The following OPCML variants were observed in gnomAD, a reference collection of about 807,000 sequenced individuals.
OPCML encodes opioid-binding protein/cell adhesion molecule.
In OPCML, 13 loss-of-function variants were observed where a neutral mutation model predicts 37.8. That is an observed-to-expected ratio of 0.34 (90% confidence interval 0.22 to 0.55). The LOEUF (loss-of-function observed/expected upper bound fraction) is 0.55. OPCML is among the 20% of genes least tolerant of loss of function. The probability of loss-of-function intolerance (pLI) is 0.91; values close to 1 mark genes in which losing one functional copy is unlikely to be tolerated. For missense variants in OPCML, 341 were observed against 435.6 expected (o/e 0.78, Z 1.93); for synonymous variants, 176 against 168.8 (o/e 1.04, Z -0.33).
intron 1 of OPCML, among the ~76,000 whole-genome samples, chr11:132,996,385 C>T (rs1946885283): frequency 6.6e-6 from 1 of 150,906 alleles, no homozygotes; most frequent in Admixed American, 6.6e-5. Flanking sequence ...TTTGGGGGAC[C>T]GAGATGGGCA....
intron 3 of OPCML, among the ~76,000 whole-genome samples, chr11:132,620,980 T>C (rs748137177): frequency 1.4e-4 from 22 of 152,118 alleles, no homozygotes; most frequent in Non-Finnish European, 3.1e-4. Flanking sequence ...ATGGCAGAGG[T>C]ATCTGAGCAA....
chr11:132,754,826 T>C (rs1945979685), intron 2 of OPCML, among the ~76,000 whole-genome samples: 1 of 152,032 alleles, frequency 6.6e-6, no homozygotes, highest in Non-Finnish European at 1.5e-5. Flanking sequence ...AGCAAAGACA[T>C]TGGAAATGAC....
intron 2 of OPCML, among the ~76,000 whole-genome samples, chr11:132,670,687 T>TA (rs1001452354): frequency 1.9e-4 from 29 of 151,924 alleles, no homozygotes; most frequent in Admixed American, 5.2e-4. Context: ...ATAATATTTG[T>TA]AAAAAAAACA....
intron 1 of OPCML, among the ~76,000 whole-genome samples, chr11:132,944,582 A>G (rs1428682473): frequency 6.6e-5 from 10 of 152,242 alleles, no homozygotes; most frequent in Admixed American, 6.5e-4. Context: ...TTATCGTGGT[A>G]AAAAGCAAGG....
intron 1 of OPCML, among the ~76,000 whole-genome samples, chr11:133,091,072 C>T (rs1040930652): frequency 2.0e-5 from 3 of 152,186 alleles, no homozygotes; most frequent in African/African-American, 7.2e-5. Flanking sequence ...TGACTAACAT[C>T]TCTGTTTCTC....
chr11:132,740,078 G>C (rs977170903), intron 2 of OPCML, among the ~76,000 whole-genome samples: 3 of 152,216 alleles, frequency 2.0e-5, no homozygotes, highest in Non-Finnish European at 4.4e-5. Context: ...TGTGCATATT[G>C]CTTAGAAGAG....
intron 1 of OPCML, among the ~76,000 whole-genome samples, chr11:133,216,461 C>A (rs767661907): frequency 1.6e-4 from 25 of 152,192 alleles, no homozygotes; most frequent in Non-Finnish European, 3.1e-4. Flanking sequence ...TGATTTCTAC[C>A]AACCCAAGAG....
chr11:132,602,689 A>G (rs971706666), intron 3 of OPCML, among the ~76,000 whole-genome samples: 2 of 152,200 alleles, frequency 1.3e-5, no homozygotes, highest in Non-Finnish European at 2.9e-5. Context: ...AGACCTGGGC[A>G]TTGCCTGTGG....
chr11:133,125,980 A>G (rs573569369), intron 1 of OPCML, among the ~76,000 whole-genome samples: 64 of 150,348 alleles, frequency 4.3e-4, no homozygotes, highest in Non-Finnish European at 8.1e-4. Flanking sequence ...ACATGTATAT[A>G]TAGACACACG....
chr11:132,697,260 T>C (rs1019519242), intron 2 of OPCML, among the ~76,000 whole-genome samples: 5 of 152,188 alleles, frequency 3.3e-5, no homozygotes, highest in Admixed American at 3.3e-4. Flanking sequence ...TCACCTCACA[T>C]AATTACCTTC....
chr11:132,586,922 G>T (rs146996961), intron 3 of OPCML, among the ~76,000 whole-genome samples: 2 of 152,274 alleles, frequency 1.3e-5, no homozygotes, highest in Non-Finnish European at 2.9e-5. Flanking sequence ...GAAGCACAAG[G>T]CTTGGGAGCC....
intron 2 of OPCML, among the ~76,000 whole-genome samples, chr11:132,745,563 C>CAAAAAAAA (rs10562857): frequency 1.5e-4 from 15 of 102,904 alleles, no homozygotes; most frequent in East Asian, 4.2e-4. Context: ...TGCTGTCTTG[C>CAAAAAAAA]AAAAAAAAAA....
chr11:133,214,280 G>A (rs1431782), intron 1 of OPCML, among the ~76,000 whole-genome samples: 2,805 of 151,872 alleles, frequency 0.018, 75 homozygotes, highest in African/African-American at 0.062. Context: ...TCTATCTAAC[G>A]TCATTTATGA....
intron 4 of OPCML, among the ~76,000 whole-genome samples, chr11:132,467,895 G>C (rs947050477): frequency 3.9e-5 from 6 of 152,158 alleles, no homozygotes; most frequent in African/African-American, 1.4e-4. Flanking sequence ...CAGGAGAGCT[G>C]ACAACTCCAG....
In OPCML at chr11:133,305,363, T is replaced by C. The variant is rs60559522; in HGVS notation, c.61+226901A>G. ...GATGACTGACTCACAAGTATTTTCATTGCATGTGGAAATAGACCAAGCCCT... is the reference window on the plus strand; with the variant it reads ...GATGACTGACTCACAAGTATTTTCACTGCATGTGGAAATAGACCAAGCCCT... On this transcript the variant is annotated intron_variant, in intron 1 of 7. Transcript: ENST00000524381. Among the ~76,000 whole-genome samples the C allele has an allele frequency of 1.8e-3, 271 of 152,292 alleles. 2 individuals carry two copies. The highest frequency in any genetic ancestry group is 6.1e-3 in the African/African-American group (254 of 41,574).
intron 1 of OPCML, among the ~76,000 whole-genome samples, chr11:132,963,136 C>T (rs1411182768): frequency 1.3e-5 from 2 of 152,132 alleles, no homozygotes; most frequent in Admixed American, 6.5e-5. Context: ...TGAAAATCAC[C>T]GTGTCATAGA....
At chr11:133,469,781 A>T (rs1947063217) in intron 1 of OPCML, among the ~76,000 whole-genome samples, 1 of 152,126 alleles carries the variant, frequency 6.6e-6, no homozygotes, top group African/African-American at 2.4e-5. Context: ...AAAAACCCCC[A>T]GGTTTTTATA....
At chr11:133,360,720 G>C (rs1944394249) in intron 1 of OPCML, 1 of 152,208 alleles carries the variant, frequency 6.6e-6, no homozygotes, top group Non-Finnish European at 1.5e-5. Context: ...GTTATTCATT[G>C]CGTTGACCTT....
intron 1 of OPCML, among the ~76,000 whole-genome samples, chr11:133,288,893 G>A (rs1215605080): frequency 6.6e-6 from 1 of 152,138 alleles, no homozygotes; most frequent in African/African-American, 2.4e-5. Context: ...TCGTCCCTTA[G>A]TGCAACTCTC....
Sources: allele counts gnomAD v4.1 joint callset (sites outside exome capture counted in the v4.1 genomes callset), GRCh38; gene constraint gnomAD v4.1.1; transcripts MANE v1.5; gene names NCBI Gene and HGNC (gene_info 2026-07-23, HGNC 2026-07-21).